Variants in FRMD6 observed in about 807,000 individuals in gnomAD.
FRMD6 encodes FERM domain containing 6.
Under a neutral mutation model 73.2 loss-of-function variants are expected in FRMD6, and 37 were observed. The observed-to-expected ratio is 0.51, with a 90% CI of 0.39 to 0.66. The LOEUF is 0.66. FRMD6 is among the 30% of genes least tolerant of loss of function. FRMD6 has a pLI of 0.00. For missense variants in FRMD6, 714 were observed against 780.5 expected, an observed-to-expected ratio of 0.91 and a Z score of 1.02; for synonymous variants, 273 against 282.2, an observed-to-expected ratio of 0.97 and a Z score of 0.33.
chr14:51,553,813 G>A (rs1886972209), intron 1 of FRMD6, among the ~76,000 whole-genome samples: 2 of 152,166 alleles, frequency 1.3e-5, no homozygotes, highest in Admixed American at 1.3e-4. Context: ...TTACCGAGCG[G>A]ATGAGGGGCA....
At chr14:51,453,428 G>A in the FRMD6 span, among the ~76,000 whole-genome samples, 1 of 152,068 alleles carries the variant, frequency 6.6e-6, no homozygotes, top group Non-Finnish European at 1.5e-5. Context: ...TGAGAAATGA[G>A]GAGATATTGA....
chr14:51,653,265 C>T (rs1892561948), intron 1 of FRMD6, among the ~76,000 whole-genome samples: 1 of 152,146 alleles, frequency 6.6e-6, no homozygotes, highest in South Asian at 2.1e-4. Flanking sequence ...GTTTTATAAG[C>T]ATCTATTTAA....
At chr14:51,579,526 G>T (rs1490495906) in intron 2 of FRMD6, among the ~76,000 whole-genome samples, 2 of 152,104 alleles carry the variant, frequency 1.3e-5, no homozygotes, top group Non-Finnish European at 2.9e-5. Flanking sequence ...GTGTTTATTT[G>T]TTTACTTTAG....
upstream of FRMD6, among the ~76,000 whole-genome samples, chr14:51,487,100 C>T (rs1195226779): frequency 6.6e-6 from 1 of 152,110 alleles, no homozygotes; most frequent in East Asian, 1.9e-4. Flanking sequence ...ACATGACCCC[C>T]AGGTGGTCCC....
the FRMD6 span, among the ~76,000 whole-genome samples, chr14:51,470,271 C>A: frequency 6.6e-6 from 1 of 152,168 alleles, no homozygotes; most frequent in Non-Finnish European, 1.5e-5. Context: ...CTAATCCCAG[C>A]ACTTCGGGAG....
At chr14:51,537,143 T>C (rs1885944856) in intron 1 of FRMD6, among the ~76,000 whole-genome samples, 1 of 152,208 alleles carries the variant, frequency 6.6e-6, no homozygotes, top group Admixed American at 6.5e-5. Context: ...TACAGAATAG[T>C]TTTACTTTCC....
chr14:51,550,350 C>T (rs1248500836), intron 1 of FRMD6, among the ~76,000 whole-genome samples: 1 of 152,168 alleles, frequency 6.6e-6, no homozygotes, highest in Non-Finnish European at 1.5e-5. Context: ...AGTGATTCTC[C>T]CACCTCAGCC....
At chr14:51,592,647 A>G (rs896415961) in intron 2 of FRMD6, among the ~76,000 whole-genome samples, 2 of 152,234 alleles carry the variant, frequency 1.3e-5, no homozygotes, top group African/African-American at 4.8e-5. Context: ...ACAACAAATT[A>G]TTGAGAATCT....
rs146713572 is a variant in FRMD6 at position 51,576,866 on chromosome 14, A to G, written c.-147+6456A>G. On this transcript the variant is annotated intron_variant, in intron 2 of 14. Transcript: ENST00000356218. ...AATTTCGTTTTTCACTGGCCACATG[A>G]TGTTAGACAAGTCTCTTTCTCTCTT... is the stretch of plus-strand genomic sequence containing the variant. Among the ~76,000 whole-genome samples the G allele has an allele frequency of 1.2e-3, 183 of 152,314 alleles. 1 individual carries two copies. Among genetic ancestry groups the G allele is most frequent in the Non-Finnish European group, 2.2e-3 (148 of 68,034 alleles).
rs1393548537 is a variant in FRMD6 at position 51,561,928 on chromosome 14, T to C, written c.-209-8420T>C. On this transcript the variant is annotated intron_variant, in intron 1 of 14. Transcript: ENST00000356218. ...TTATCTTTGCTAGAAAATCTGATCTTGTAGAACAATCCTGGTGTTAAACCA... is the reference window on the plus strand; with the variant it reads ...TTATCTTTGCTAGAAAATCTGATCTCGTAGAACAATCCTGGTGTTAAACCA... Among the ~76,000 whole-genome samples the C allele has an allele frequency of 2.0e-5, 3 of 152,368 alleles. No individual in the cohort carries two copies. The East Asian group carries it at 5.8e-4, about 29-fold the overall frequency.
intron 1 of FRMD6, among the ~76,000 whole-genome samples, chr14:51,677,144 G>A (rs894733484): frequency 1.3e-5 from 2 of 151,852 alleles, no homozygotes; most frequent in Non-Finnish European, 2.9e-5. Flanking sequence ...GGGCCTTTGC[G>A]TTTCTAGCTT....
chr14:51,516,325 G>T (rs1458223025), intron 1 of FRMD6, among the ~76,000 whole-genome samples: 2 of 152,168 alleles, frequency 1.3e-5, no homozygotes, highest in Non-Finnish European at 2.9e-5. Flanking sequence ...ACATAAGGCG[G>T]GTCCATCCGA....
chr14:51,514,217 A>G (rs1464969331), intron 1 of FRMD6, among the ~76,000 whole-genome samples: 1 of 152,168 alleles, frequency 6.6e-6, no homozygotes, highest in Non-Finnish European at 1.5e-5. Flanking sequence ...AGAGACAGGG[A>G]TAGTTCTCAA....
chr14:51,488,503 C>T (rs891360812), upstream of FRMD6, among the ~76,000 whole-genome samples: 10 of 152,208 alleles, frequency 6.6e-5, no homozygotes, highest in Non-Finnish European at 1.2e-4. Context: ...AACTTCTGCC[C>T]TATTTCTACA....
chr14:51,671,637 A>G (rs1023322338), intron 1 of FRMD6, among the ~76,000 whole-genome samples: 1 of 152,148 alleles, frequency 6.6e-6, no homozygotes, highest in Non-Finnish European at 1.5e-5. Flanking sequence ...GTAAACATCA[A>G]ATTTATGGTG....
At chr14:51,508,758 TAC>T (rs1884123774) in intron 1 of FRMD6, among the ~76,000 whole-genome samples, 1 of 152,206 alleles carries the variant, frequency 6.6e-6, no homozygotes, top group South Asian at 2.1e-4. Context: ...AAACTATAAT[TAC>T]AGTCTCTTGC....
At chr14:51,482,314 A>G in the FRMD6 span, among the ~76,000 whole-genome samples, 1 of 152,218 alleles carries the variant, frequency 6.6e-6, no homozygotes, top group East Asian at 1.9e-4. Context: ...CAGCCCTCGC[A>G]CGTGGTGTCA....
chr14:51,574,038 G>C (rs1888279085), intron 2 of FRMD6, among the ~76,000 whole-genome samples: 1 of 152,152 alleles, frequency 6.6e-6, no homozygotes, highest in South Asian at 2.1e-4. Flanking sequence ...TTGGGTAACA[G>C]TTTTCATAGA....
chr14:51,416,069 A>G, the FRMD6 span, among the ~76,000 whole-genome samples: 3 of 152,010 alleles, frequency 2.0e-5, no homozygotes, highest in East Asian at 3.9e-4. Flanking sequence ...CTTGCTAGTA[A>G]TCTATCAATT....
Sources: gnomAD v4.1 joint callset for allele counts (sites outside exome capture counted in the v4.1 genomes callset) on GRCh38, gnomAD v4.1.1 for gene constraint, MANE v1.5 for transcripts, NCBI Gene and HGNC (gene_info 2026-07-23, HGNC 2026-07-21) for gene names.